The following PRPF6 variants were observed in gnomAD, a reference collection of about 807,000 sequenced individuals.
The protein encoded by PRPF6 is pre-mRNA-processing factor 6.
Under a neutral mutation model 118.3 loss-of-function variants are expected in PRPF6, and 42 were observed. That is an observed-to-expected ratio of 0.35 (90% CI 0.28 to 0.46). The LOEUF (loss-of-function observed/expected upper bound fraction) is 0.46. Among genes scored for constraint, PRPF6 ranks in the 20% least tolerant of loss-of-function variants. The probability of loss-of-function intolerance (pLI) is 1.00; values close to 1 mark genes in which losing one functional copy is unlikely to be tolerated. For synonymous variants in PRPF6, 481 were observed against 485.1 expected (o/e 0.99, Z 0.11); for missense variants, 662 against 1,255.7 (o/e 0.53, Z 7.15).
chr20:63,983,873 G>A (rs924051244), intron 2 of PRPF6, among the ~76,000 whole-genome samples: 3 of 152,052 alleles, frequency 2.0e-5, no homozygotes, highest in Admixed American at 6.6e-5. Flanking sequence ...GGCTGGTCTC[G>A]AACTCCTGAC....
At position 63,983,224 on chromosome 20, in the gene PRPF6, T is replaced by A. The variant is rs755191712; in HGVS notation, c.240+9T>A. ...ACACCAATTACGATGAGGTGAGATG[T>A]GTCCGGCTTTCGTGGCTCCTCCAGC... On this transcript the variant is annotated intron_variant, in intron 2 of 20. Transcript: ENST00000266079. 11 of 1,614,218 alleles carry A rather than the reference T, an allele frequency of 6.8e-6. No homozygotes were observed. In the South Asian group the frequency reaches 1.2e-4, roughly 18 times the overall value.
At chr20:64,000,456 CAAAAAAAAA>C (rs11476285) in intron 8 of PRPF6, among the ~76,000 whole-genome samples, 1 of 111,410 alleles carries the variant, frequency 9.0e-6, no homozygotes, top group South Asian at 3.2e-4. Flanking sequence ...GATTCCGTCT[CAAAAAAAAA>C]AAAAAAAACA....
rs1015849174 is a variant in PRPF6 at position 63,985,762 on chromosome 20, A to G, written c.359+737A>G. On this transcript the variant is annotated intron_variant, in intron 3 of 20. Coordinates refer to ENST00000266079, the MANE Select transcript of PRPF6 (RefSeq NM_012469.4). ...AAGGTAATGAGATCAAAGCTGTAAC[A>G]GAAAGTGTCCTAGCAGAGAACATCT... Among the ~76,000 whole-genome samples, 5 of 152,370 alleles carry G rather than the reference A, an allele frequency of 3.3e-5. No homozygotes were observed. The South Asian group carries it at 8.3e-4, about 25-fold the overall frequency.
rs772093706 is a variant in PRPF6 at position 64,028,492 on chromosome 20, G to A, written c.2354G>A (p.Arg785Gln). 6.8e-6 allele frequency: 11 copies of A among 1,613,762 alleles called. No individual in the cohort carries two copies. Among genetic ancestry groups the A allele is most frequent in the African/African-American group, 5.3e-5 (4 of 74,930 alleles). ...TGTCTCCTCAGGTTGGAGTCCGTGC[G>A]GCTGGAGTACCGTGCGGGGCTGAAG... ...KNPGLWLESVRLEYRAGLKNI... is the reference protein window; with the variant it reads ...KNPGLWLESVQLEYRAGLKNI... Residue 785 changes from arginine (R) to glutamine (Q), a missense_variant, in exon 18 of 21, where the codon CGG becomes CAG. Transcript: ENST00000266079. The surrounding 1 kb of genome is among the most constrained non-coding windows in gnomAD (Gnocchi z 6.5).
chr20:63,981,657 C>T (rs2059068991), intron 1 of PRPF6, among the ~76,000 whole-genome samples: 1 of 141,892 alleles, frequency 7.0e-6, no homozygotes, highest in South Asian at 2.5e-4. Flanking sequence ...CCCCCCCGCC[C>T]GCCCGCCCGC....
Position 63,984,888 on chromosome 20 carries a change from C to T in PRPF6, c.241-19C>T, listed in dbSNP as rs375604475. 4.9e-4 allele frequency: 763 copies of T among 1,560,508 alleles called. 1 individual carries two copies. The highest frequency in any genetic ancestry group is 6.0e-4 in the Non-Finnish European group (675 of 1,132,600). Reference sequence around the variant, plus strand: ...GTTGAAGGAAAAGCTGACCTCTACACGTGTTGTTTGCTTCTCAGTTTAATG... The same window carrying T: ...GTTGAAGGAAAAGCTGACCTCTACATGTGTTGTTTGCTTCTCAGTTTAATG... On this transcript the variant is annotated intron_variant, in intron 2 of 20. Transcript: ENST00000266079.
At chr20:64,019,340 C>G (rs2059253172) in intron 12 of PRPF6, among the ~76,000 whole-genome samples, 1 of 152,176 alleles carries the variant, frequency 6.6e-6, no homozygotes, top group African/African-American at 2.4e-5. Context: ...CTCCTGACTT[C>G]AGGCCATCCA....
intron 9 of PRPF6, among the ~76,000 whole-genome samples, chr20:64,004,440 C>A (rs528819347): frequency 2.6e-5 from 4 of 152,358 alleles, no homozygotes; most frequent in East Asian, 3.9e-4. Context: ...CAAACACTTA[C>A]ACGTTGCTTG....
intron 6 of PRPF6, among the ~76,000 whole-genome samples, chr20:63,997,288 CTTT>C (rs928046111): frequency 5.3e-5 from 6 of 112,670 alleles, no homozygotes; most frequent in African/African-American, 7.0e-5. Context: ...TCAGCATGTT[CTTT>C]TTTTTTTTTT....
In PRPF6 at chr20:64,027,280, A is replaced by G; in HGVS notation, c.2205+122A>G. ...TGTGGAGGGCTGGGGGTTACAGCTG[A>G]TGGAGCTGCAGACTCAGGACCCAAA... On this transcript the variant is annotated intron_variant, in intron 16 of 20. Transcript: ENST00000266079. This position sits in a 1 kb window ranked among gnomAD's most constrained non-coding sequence, Gnocchi z 6.5. The G allele has an allele frequency of 7.7e-7, 1 of 1,306,780 alleles. No homozygotes were observed. The highest frequency in any genetic ancestry group is 2.5e-5 in the East Asian group (1 of 40,046). 80.9% of individuals were successfully genotyped at this position (1,306,780 alleles called of 1,614,324 possible).
At chr20:63,988,334 C>A (rs1335387128) in intron 3 of PRPF6, among the ~76,000 whole-genome samples, 23 of 136,522 alleles carry the variant, frequency 1.7e-4, no homozygotes, top group East Asian at 4.1e-4. Flanking sequence ...AAAAAAAAAA[C>A]CAAAAAACAA....
At chr20:63,991,939 A>T (rs2059120548) in intron 3 of PRPF6, among the ~76,000 whole-genome samples, 1 of 152,216 alleles carries the variant, frequency 6.6e-6, no homozygotes, top group Non-Finnish European at 1.5e-5. Flanking sequence ...GTTCTGGCAC[A>T]TAGAGCTGTG....
At position 64,032,865 on chromosome 20, in the gene PRPF6, C is replaced by T. The variant is rs145573613; in HGVS notation, c.2698C>T (p.Arg900Cys). 37 of 1,611,516 alleles carry T rather than the reference C, an allele frequency of 2.3e-5. 1 individual carries two copies. Among genetic ancestry groups the T allele is most frequent in the South Asian group, 1.2e-4 (11 of 90,968 alleles). Reference protein sequence around the residue: ...TEEQQEEVRKRCESAEPRHGE... With the variant: ...TEEQQEEVRKCCESAEPRHGE... ...GGAGCAGCAGGAGGAGGTGAGGAAG[C>T]GCTGTGAGAGTGCAGAGCCTCGGCA... The change falls in exon 21 of 21, where the codon CGC becomes TGC. Residue 900 changes from arginine to cysteine, a missense_variant. This residue lies in a region of PRPF6 where 244 missense variants were observed against 383.7 expected (regional missense o/e 0.64). Coordinates refer to ENST00000266079, the MANE Select transcript of PRPF6 (RefSeq NM_012469.4).
At chr20:63,985,143 A>G (rs2059087749) in intron 3 of PRPF6, 118 bp downstream of exon 3, 11 of 770,704 alleles carry the variant, frequency 1.4e-5, no homozygotes, top group African/African-American at 5.2e-5. Context: ...GTAGGACGAT[A>G]GCTAGAGCCC....
chr20:63,997,535 C>T (rs2059146389), intron 6 of PRPF6, among the ~76,000 whole-genome samples: 1 of 151,156 alleles, frequency 6.6e-6, no homozygotes, highest in South Asian at 2.1e-4. Context: ...CGGCTCACTG[C>T]AACCTCCACC....
intron 9 of PRPF6, among the ~76,000 whole-genome samples, chr20:64,006,885 A>G (rs79903757): frequency 1.1e-3 from 162 of 152,330 alleles, no homozygotes; most frequent in Middle Eastern, 3.4e-3. Flanking sequence ...GTGAATTCAT[A>G]TAGCTTCGTC....
At chr20:63,996,731 A>T (rs1382566984) in intron 6 of PRPF6, among the ~76,000 whole-genome samples, 1 of 152,058 alleles carries the variant, frequency 6.6e-6, no homozygotes, top group African/African-American at 2.4e-5. Flanking sequence ...GTTCAAGACC[A>T]GCCTGGGCAA....
Position 64,011,048 on chromosome 20 carries a change from A to C in PRPF6, c.1306-237A>C, listed in dbSNP as rs1353491422. On this transcript the variant is annotated intron_variant, in intron 10 of 20. Transcript: ENST00000266079. The surrounding 1 kb of genome is among the most constrained non-coding windows in gnomAD (Gnocchi z 6.7). ...GTGTGCCTGGAGGCTGTGTTTGTGA[A>C]CATTCAACTGAGAATCTTTTGATGC... Among the ~76,000 whole-genome samples the C allele has an allele frequency of 6.6e-6, 1 of 152,160 alleles. No homozygotes were observed.
chr20:63,991,229 G>T (rs1385425161), intron 3 of PRPF6, among the ~76,000 whole-genome samples: 2 of 152,040 alleles, frequency 1.3e-5, no homozygotes, highest in Non-Finnish European at 2.9e-5. Flanking sequence ...TTCGAGACCA[G>T]CCTGGGCAAC....
Sources: allele counts gnomAD v4.1 joint callset (sites outside exome capture counted in the v4.1 genomes callset), GRCh38; gene constraint gnomAD v4.1.1; regional missense constraint gnomAD v4.1.1; non-coding constraint Gnocchi (gnomAD v3.1); transcripts MANE v1.5; gene names NCBI Gene and HGNC (gene_info 2026-07-23, HGNC 2026-07-21).